TRIM44: variants seen among roughly 807,000 people sequenced by gnomAD.
TRIM44 encodes the protein tripartite motif-containing protein 44.
TRIM44 carries 13 observed loss-of-function variants against 37.4 expected under a neutral mutation model. The observed-to-expected ratio is 0.35, with a 90% CI of 0.23 to 0.55. TRIM44 has a LOEUF of 0.55. Ranked by LOEUF, TRIM44 falls within the 20% of genes least tolerant of loss-of-function variation. The pLI is 0.89. For synonymous variants in TRIM44, 175 were observed against 157.2 expected (o/e 1.11, Z -0.85); for missense variants, 426 against 437.2 (o/e 0.97, Z 0.23).
At chr11:35,733,167 A>G (rs955996139) in intron 3 of TRIM44, among the ~76,000 whole-genome samples, 3 of 152,150 alleles carry the variant, frequency 2.0e-5, no homozygotes, top group African/African-American at 7.2e-5. Context: ...GTGCAGATGG[A>G]GAAACTGAAC....
intron 2 of TRIM44, 97 bp downstream of exon 2, chr11:35,685,433 A>G: frequency 1.0e-6 from 1 of 994,668 alleles, no homozygotes; most frequent in Non-Finnish European, 1.6e-6. Flanking sequence ...CTCTCTGAAT[A>G]TTGCATTAAG....
chr11:35,772,171 C>T (rs1355358784), intron 4 of TRIM44, among the ~76,000 whole-genome samples: 1 of 152,220 alleles, frequency 6.6e-6, no homozygotes, highest in Admixed American at 6.5e-5. Flanking sequence ...AAGTCAAGAA[C>T]TAAAGTTTGA....
chr11:35,741,228 G>T (rs1422976806), intron 4 of TRIM44, among the ~76,000 whole-genome samples: 1 of 152,092 alleles, frequency 6.6e-6, no homozygotes, highest in Non-Finnish European at 1.5e-5. Flanking sequence ...TCTCTTAATT[G>T]TCACATTTCC....
intron 4 of TRIM44, among the ~76,000 whole-genome samples, chr11:35,746,629 T>G (rs1852496094): frequency 6.6e-6 from 1 of 151,986 alleles, no homozygotes; most frequent in African/African-American, 2.4e-5. Context: ...CAGATTTTCT[T>G]AAAATTAGAA....
chr11:35,796,544 GAAGGT>G (rs1484224488), intron 4 of TRIM44, among the ~76,000 whole-genome samples: 11 of 152,186 alleles, frequency 7.2e-5, no homozygotes, highest in African/African-American at 2.7e-4. Flanking sequence ...TGGATTTCCT[GAAGGT>G]ACAGGAAGCA....
intron 2 of TRIM44, among the ~76,000 whole-genome samples, chr11:35,710,757 C>G (rs374283120): frequency 6.6e-6 from 1 of 152,198 alleles, no homozygotes; most frequent in Non-Finnish European, 1.5e-5. Flanking sequence ...ATTTCTCTTA[C>G]AAAAGGGTAA....
chr11:35,798,494 C>G (rs1033863799), intron 4 of TRIM44, among the ~76,000 whole-genome samples: 1 of 152,122 alleles, frequency 6.6e-6, no homozygotes, highest in African/African-American at 2.4e-5. Flanking sequence ...ATCCTCTGTA[C>G]TATCTTTGCA....
chr11:35,801,245 C>A (rs1048599089), intron 4 of TRIM44, among the ~76,000 whole-genome samples: 5 of 152,348 alleles, frequency 3.3e-5, no homozygotes, highest in Admixed American at 3.3e-4. Flanking sequence ...AATGCCCAGG[C>A]AGTGTAATTT....
intron 4 of TRIM44, among the ~76,000 whole-genome samples, chr11:35,752,845 A>G (rs1852575695): frequency 6.6e-6 from 1 of 152,190 alleles, no homozygotes; most frequent in African/African-American, 2.4e-5. Context: ...CTACTTTAGA[A>G]TAATATTCTT....
chr11:35,707,163 A>G (rs1487765831), intron 2 of TRIM44, among the ~76,000 whole-genome samples: 1 of 152,210 alleles, frequency 6.6e-6, no homozygotes, highest in African/African-American at 2.4e-5. Context: ...CCCATTCACA[A>G]TTGCTTCAAA....
At chr11:35,704,202 T>A (rs1444964171) in intron 2 of TRIM44, among the ~76,000 whole-genome samples, 2 of 151,642 alleles carry the variant, frequency 1.3e-5, no homozygotes, top group Non-Finnish European at 2.9e-5. Flanking sequence ...AGAAGGGAAG[T>A]TTAGAGAAAA....
chr11:35,747,819 C>T (rs74716568), intron 4 of TRIM44, among the ~76,000 whole-genome samples: 18,817 of 151,062 alleles, frequency 0.12, 1,441 homozygotes, highest in Non-Finnish European at 0.17. Context: ...CAACTGTTAC[C>T]ATGGCAACAG....
intron 2 of TRIM44, among the ~76,000 whole-genome samples, chr11:35,711,812 C>A (rs576541235): frequency 9.2e-5 from 14 of 152,094 alleles, no homozygotes; most frequent in Non-Finnish European, 1.6e-4. Context: ...GCCTCCAGTC[C>A]GGAGAATAAC....
At chr11:35,675,608 G>A (rs1274934405) in intron 1 of TRIM44, among the ~76,000 whole-genome samples, 2 of 152,080 alleles carry the variant, frequency 1.3e-5, no homozygotes, top group Admixed American at 1.3e-4. Context: ...TGCAACCTCC[G>A]CCTCCCGGGT....
At chr11:35,724,114 C>T (rs1283327671) in intron 2 of TRIM44, 1 of 152,136 alleles carries the variant, frequency 6.6e-6, no homozygotes, top group East Asian at 1.9e-4. Context: ...GATGTGTGAG[C>T]AGATACATGT....
chr11:35,755,307 T>G (rs990316174), intron 4 of TRIM44, among the ~76,000 whole-genome samples: 8 of 152,270 alleles, frequency 5.3e-5, no homozygotes, highest in African/African-American at 1.9e-4. Context: ...TGTCTTCTTT[T>G]GAGAAGTGTC....
chr11:35,799,441 A>ATAGTAATCCTACTC (rs1424577344), intron 4 of TRIM44, among the ~76,000 whole-genome samples: 1 of 152,210 alleles, frequency 6.6e-6, no homozygotes, highest in Non-Finnish European at 1.5e-5. Flanking sequence ...TTCTTCTTCT[A>ATAGTAATCCTACTC]TAGTAATCCT....
intron 4 of TRIM44, among the ~76,000 whole-genome samples, chr11:35,767,605 A>G (rs758866032): frequency 6.6e-6 from 1 of 151,968 alleles, no homozygotes; most frequent in Non-Finnish European, 1.5e-5. Flanking sequence ...AAAAAGTTGT[A>G]TATATATATA....
chr11:35,710,894 G>T (rs111934242), intron 2 of TRIM44, among the ~76,000 whole-genome samples: 1 of 152,144 alleles, frequency 6.6e-6, no homozygotes, highest in Non-Finnish European at 1.5e-5. Flanking sequence ...CATATTTTGG[G>T]ATAGCATATC....
Sources: allele counts gnomAD v4.1 joint callset (sites outside exome capture counted in the v4.1 genomes callset), GRCh38; gene constraint gnomAD v4.1.1; transcripts MANE v1.5; gene names NCBI Gene and HGNC (gene_info 2026-07-23, HGNC 2026-07-21).